The following CEP63 variants were observed in gnomAD, a reference collection of about 807,000 sequenced individuals.
CEP63 encodes the protein centrosomal protein of 63 kDa.
Under a neutral mutation model 89.1 loss-of-function variants are expected in CEP63, and 84 were observed. That is an observed-to-expected ratio of 0.94 (90% CI 0.79 to 1.13). The LOEUF (loss-of-function observed/expected upper bound fraction) is 1.13, where lower values mean the gene tolerates loss of function less well. Among genes scored for constraint, CEP63 ranks in the 50% most tolerant of loss-of-function variants. The pLI, the probability that CEP63 is intolerant of heterozygous loss-of-function variation, is 0.00. For missense variants in CEP63, 838 were observed against 813.3 expected (o/e 1.03, Z -0.37); for synonymous variants, 267 against 272.5 (o/e 0.98, Z 0.20).
At chr3:134,715,206 A>C in the CEP63 span, among the ~76,000 whole-genome samples, 3 of 152,216 alleles carry the variant, frequency 2.0e-5, no homozygotes, top group Admixed American at 6.5e-5. Context: ...CAGAGCCCGA[A>C]TCCAGCTGTG....
the CEP63 span, among the ~76,000 whole-genome samples, chr3:134,637,485 G>A: frequency 1.3e-5 from 2 of 152,226 alleles, no homozygotes; most frequent in Non-Finnish European, 1.5e-5. Flanking sequence ...GAGTAGTCCT[G>A]TAGTAAAGAA....
chr3:134,551,122 T>G (rs965397810), intron 11 of CEP63, among the ~76,000 whole-genome samples: 3 of 152,052 alleles, frequency 2.0e-5, no homozygotes, highest in Middle Eastern at 3.2e-3. Flanking sequence ...GGGAAACTGG[T>G]GGAGAGGACA....
At chr3:134,662,687 G>A in the CEP63 span, among the ~76,000 whole-genome samples, 1 of 152,248 alleles carries the variant, frequency 6.6e-6, no homozygotes, top group South Asian at 2.1e-4. Context: ...GAGCATCAGA[G>A]TGGAGTTTGA....
In CEP63 at chr3:134,563,205, CTG is replaced by C. The variant is rs1369521448; in HGVS notation, c.*1672_*1673del. The C allele has an allele frequency of 6.6e-6, 1 of 152,274 alleles. No individual in the cohort carries two copies. Among genetic ancestry groups the C allele is most frequent in the Non-Finnish European group, 1.5e-5 (1 of 68,128 alleles). 9.4% of individuals were successfully genotyped at this position (152,274 alleles called of 1,614,324 possible). A position where few individuals can be genotyped will look rare whatever the true frequency, so the allele number is the denominator to read the frequency against. ...CGCATATCCAGTCATTTGGGAGGTC[CTG>C]TCATTTCTTCCCCCAGAATCTTATC... On this transcript the variant is annotated 3_prime_UTR_variant, in exon 15 of 15. Transcript: ENST00000675561.
intron 3 of CEP63, among the ~76,000 whole-genome samples, chr3:134,515,503 C>T (rs6776203): frequency 0.66 from 100,300 of 152,158 alleles, 33,457 homozygotes; most frequent in East Asian, 0.81. Context: ...GATGGTATAA[C>T]TATATTCTTA....
chr3:134,634,676 C>T, the CEP63 span, among the ~76,000 whole-genome samples: 1 of 152,180 alleles, frequency 6.6e-6, no homozygotes, highest in Non-Finnish European at 1.5e-5. Flanking sequence ...TTGAACTGCA[C>T]GAGTCCACTC....
At chr3:134,750,887 A>G in the CEP63 span, among the ~76,000 whole-genome samples, 1 of 152,260 alleles carries the variant, frequency 6.6e-6, no homozygotes, top group Non-Finnish European at 1.5e-5. Context: ...TTTAAAAGTG[A>G]GCAATTCAGT....
chr3:134,724,782 G>A, the CEP63 span, among the ~76,000 whole-genome samples: 1 of 152,296 alleles, frequency 6.6e-6, no homozygotes, highest in Non-Finnish European at 1.5e-5. Flanking sequence ...TGAGTAGGAT[G>A]CTATGCAGTT....
In CEP63 at chr3:134,585,378, G is replaced by A. The variant is rs1315761944; in HGVS notation, c.1207-2080G>A. On this transcript the variant is annotated intron_variant, in intron 10 of 10. Coordinates refer to the CEP63 transcript ENST00000683931. ...CTTTGAATGTGTCCCAGAGATTCTGGTATGTTGTGTCTTTGTTCTCATTGG... is the reference window on the plus strand; with the variant it reads ...CTTTGAATGTGTCCCAGAGATTCTGATATGTTGTGTCTTTGTTCTCATTGG... Among the ~76,000 whole-genome samples the A allele has an allele frequency of 3.3e-5, 5 of 152,138 alleles. 1 individual carries two copies. In the East Asian group the frequency reaches 9.7e-4, roughly 29 times the overall value.
chr3:134,608,491 C>T, the CEP63 span: 1 of 1,546,768 alleles, frequency 6.5e-7, no homozygotes, highest in Non-Finnish European at 8.7e-7. Context: ...TCAGCAGCCT[C>T]CACTCATCCA....
chr3:134,641,420 G>T, the CEP63 span: 1 of 152,202 alleles, frequency 6.6e-6, no homozygotes, highest in Non-Finnish European at 1.5e-5. Context: ...CACAGGGAGA[G>T]TCAGCTATTT....
At chr3:134,506,842 C>G (rs957349955) in intron 2 of CEP63, among the ~76,000 whole-genome samples, 2 of 145,312 alleles carry the variant, frequency 1.4e-5, no homozygotes, top group Non-Finnish European at 3.0e-5. Context: ...TGCTTGAACC[C>G]GAGACGTGGA....
intron 3 of CEP63, among the ~76,000 whole-genome samples, chr3:134,527,230 A>G (rs1948836477): frequency 6.6e-6 from 1 of 151,892 alleles, no homozygotes; most frequent in South Asian, 2.1e-4. Flanking sequence ...GTGAGCGGGG[A>G]CCCCTGCTGG....
At chr3:134,599,693 T>A in the CEP63 span, among the ~76,000 whole-genome samples, 1 of 152,238 alleles carries the variant, frequency 6.6e-6, no homozygotes, top group Non-Finnish European at 1.5e-5. Context: ...GCCTTCGTGT[T>A]CTTCAAAGGC....
At chr3:134,695,502 C>G in the CEP63 span, among the ~76,000 whole-genome samples, 1 of 152,220 alleles carries the variant, frequency 6.6e-6, no homozygotes, top group Non-Finnish European at 1.5e-5. Context: ...CAGGAGGACA[C>G]TGTGGCCCAT....
the CEP63 span, among the ~76,000 whole-genome samples, chr3:134,626,721 G>C: frequency 6.6e-6 from 1 of 152,210 alleles, no homozygotes; most frequent in Non-Finnish European, 1.5e-5. Flanking sequence ...CATGGTTTGA[G>C]AGGCAATGCC....
chr3:134,600,324 A>C, the CEP63 span, among the ~76,000 whole-genome samples: 1 of 152,242 alleles, frequency 6.6e-6, no homozygotes, highest in Admixed American at 6.5e-5. Flanking sequence ...AGGATTTCAC[A>C]AACTTTCTTG....
the CEP63 span, among the ~76,000 whole-genome samples, chr3:134,596,183 T>C: frequency 6.6e-6 from 1 of 152,146 alleles, no homozygotes; most frequent in Non-Finnish European, 1.5e-5. Context: ...GGGGAAAATT[T>C]GGAGCGGGAA....
chr3:134,591,564 T>C (rs1958595301), downstream of CEP63, among the ~76,000 whole-genome samples: 1 of 152,138 alleles, frequency 6.6e-6, no homozygotes, highest in Non-Finnish European at 1.5e-5. Context: ...CTTTTTAATA[T>C]TGAGATACAG....
Sources: gnomAD v4.1 joint callset for allele counts (sites outside exome capture counted in the v4.1 genomes callset) on GRCh38, gnomAD v4.1.1 for gene constraint, MANE v1.5 for transcripts, NCBI Gene and HGNC (gene_info 2026-07-23, HGNC 2026-07-21) for gene names.